MYO3A: variants seen among roughly 807,000 people sequenced by gnomAD.
MYO3A encodes myosin-IIIa.
MYO3A carries 180 observed loss-of-function variants against 192.7 expected under a neutral mutation model. That is an observed-to-expected ratio of 0.93 (90% CI 0.83 to 1.06). The LOEUF is 1.06. Ranked by LOEUF, MYO3A falls within the 50% of genes least tolerant of loss-of-function variation. The pLI, the probability that MYO3A is intolerant of heterozygous loss-of-function variation, is 0.00. For missense variants in MYO3A, 1,896 were observed against 1,905.0 expected, an observed-to-expected ratio of 1.00 and a Z score of 0.09; for synonymous variants, 628 against 645.3, an observed-to-expected ratio of 0.97 and a Z score of 0.41.
At chr10:26,157,727 A>G (rs1185030250) in intron 26 of MYO3A, among the ~76,000 whole-genome samples, 2 of 152,240 alleles carry the variant, frequency 1.3e-5, no homozygotes, top group Admixed American at 6.5e-5. Flanking sequence ...TATAGGCAGC[A>G]TGATCCAGAG....
chr10:25,965,033 T>C (rs563804837), intron 4 of MYO3A, among the ~76,000 whole-genome samples: 1 of 152,328 alleles, frequency 6.6e-6, no homozygotes, highest in South Asian at 2.1e-4. Flanking sequence ...GGATCCTTTA[T>C]GTATCCCTGA....
At chr10:26,086,637 G>C (rs905584064) in intron 14 of MYO3A, among the ~76,000 whole-genome samples, 3 of 152,000 alleles carry the variant, frequency 2.0e-5, no homozygotes, top group Non-Finnish European at 2.9e-5. Context: ...AAAAAAAAAG[G>C]TGGTGCTACC....
At chr10:26,074,174 A>G (rs895702659) in intron 14 of MYO3A, among the ~76,000 whole-genome samples, 3 of 152,194 alleles carry the variant, frequency 2.0e-5, no homozygotes, top group East Asian at 1.9e-4. Flanking sequence ...ATTTTTGCCA[A>G]TTCTGTGATT....
rs1838020207 is a variant in MYO3A at position 25,962,835 on chromosome 10, G to A, written c.303+7827G>A. 2.0e-5 allele frequency among the ~76,000 whole-genome samples: 3 copies of A among 152,272 alleles called. No homozygotes were observed. The South Asian group carries it at 6.2e-4, about 32-fold the overall frequency. ...AGTCTCATATAAGGCATTTGCTATT[G>A]ATGGACACAAAGGGGAGAACTGAGA... On this transcript the variant is annotated intron_variant, in intron 4 of 34. Transcript: ENST00000642920.
chr10:26,165,030 C>T (rs1366017233), intron 26 of MYO3A, among the ~76,000 whole-genome samples: 1 of 152,158 alleles, frequency 6.6e-6, no homozygotes, highest in Non-Finnish European at 1.5e-5. Context: ...CCATTCTAGG[C>T]CAGTATTCTT....
intron 10 of MYO3A, among the ~76,000 whole-genome samples, chr10:26,060,213 C>T (rs1264972193): frequency 3.3e-5 from 5 of 151,976 alleles, no homozygotes; most frequent in African/African-American, 9.7e-5. Flanking sequence ...GAGCGAAGAT[C>T]ATGCCATTGC....
chr10:26,070,228 T>C lies in MYO3A; in HGVS notation c.1275+13T>C. On this transcript the variant is annotated intron_variant, in intron 13 of 34. Transcript: ENST00000642920. ...TAATTCAGATCAGGTAAGAAGAGTC[T>C]CCCATTCTTAGAAATTTACCTCTTA... 1 of 1,598,556 alleles carries C rather than the reference T, an allele frequency of 6.3e-7. No individual in the cohort carries two copies. The highest frequency in any genetic ancestry group is 1.3e-5 in the African/African-American group (1 of 74,600).
rs1336568624 is a variant in MYO3A at position 26,174,307 on chromosome 10, A to G, written c.4043A>G (p.Lys1348Arg). 3 of 1,613,992 alleles carry G rather than the reference A, an allele frequency of 1.9e-6. No homozygotes were observed. Among genetic ancestry groups the G allele is most frequent in the Non-Finnish European group, 2.5e-6 (3 of 1,180,002 alleles). ...PVTQAQEEED[K>R]AAVFIQSKYR... ...ACACAGGCCCAGGAGGAAGAAGATA[A>G]AGCAGCGGTATTCATTCAGAGCAAA... Residue 1348 changes from lysine to arginine, a missense_variant, in exon 30 of 35, where the codon AAA becomes AGA. Physicochemically the swap from Lys to Arg is conservative, Grantham distance 26. Transcript: ENST00000642920.
At chr10:26,128,744 A>G (rs943389930) in intron 20 of MYO3A, among the ~76,000 whole-genome samples, 8 of 152,226 alleles carry the variant, frequency 5.3e-5, no homozygotes, top group African/African-American at 1.7e-4. Flanking sequence ...GTGATGTTAA[A>G]TGTCCTCCAT....
At chr10:26,125,333 T>C in intron 18 of MYO3A, 65 bp from the exon 19 acceptor site, 1 of 1,452,716 alleles carries the variant, frequency 6.9e-7, no homozygotes, top group Non-Finnish European at 9.6e-7. Context: ...TTAAGACATT[T>C]TCATTTTTGG....
intron 15 of MYO3A, among the ~76,000 whole-genome samples, chr10:26,089,156 AC>A (rs1401112342): frequency 6.6e-6 from 1 of 152,218 alleles, no homozygotes; most frequent in African/African-American, 2.4e-5. Context: ...ATTCACAGTA[AC>A]ATAATAAGCT....
chr10:26,140,958 C>T (rs1181749618), intron 20 of MYO3A, among the ~76,000 whole-genome samples: 3 of 152,046 alleles, frequency 2.0e-5, no homozygotes, highest in South Asian at 2.1e-4. Flanking sequence ...GATGGAGTCT[C>T]GCTCTGTCGC....
At position 26,024,088 on chromosome 10, in the gene MYO3A, G is replaced by C. The variant is rs771878333; in HGVS notation, c.797+1G>C. 2 of 1,611,712 alleles carry C rather than the reference G, an allele frequency of 1.2e-6. No homozygotes were observed. The highest frequency in any genetic ancestry group is 1.7e-6 in the Non-Finnish European group (2 of 1,178,108). ...CAGAATTCAATGACTTCATAAGCAAGTGAGTAAAAACAGTCTTTTAAAAAA... is the reference window on the plus strand; with the variant it reads ...CAGAATTCAATGACTTCATAAGCAACTGAGTAAAAACAGTCTTTTAAAAAA... On this transcript the variant is annotated splice_donor_variant, in intron 9 of 34. Transcript: ENST00000642920. LOFTEE classifies it high-confidence loss of function.
Position 26,089,953 on chromosome 10 carries a change from G to A in MYO3A, c.1562+1548G>A, listed in dbSNP as rs549357722. On this transcript the variant is annotated intron_variant, in intron 15 of 34. Transcript: ENST00000642920. ...AAATAACATATAGCACAGTACCTGG[G>A]ATATTGAAGATGTTCAGTAAATGGC... 2.0e-5 allele frequency among the ~76,000 whole-genome samples: 3 copies of A among 152,264 alleles called. No homozygotes were observed. The East Asian group carries it at 5.8e-4, about 29-fold the overall frequency.
At chr10:25,956,067 A>T (rs771132475) in intron 4 of MYO3A, among the ~76,000 whole-genome samples, 3 of 152,150 alleles carry the variant, frequency 2.0e-5, no homozygotes, top group Non-Finnish European at 2.9e-5. Context: ...GAGAGAAGAA[A>T]CGCTGTGTTC....
At chr10:26,143,383 T>A (rs1029623769) in intron 20 of MYO3A, 65 bp from the exon 21 acceptor site, 3 of 1,493,168 alleles carry the variant, frequency 2.0e-6, no homozygotes, top group African/African-American at 2.8e-5. Context: ...CAAAGTAAAA[T>A]TTTAGGTAAT....
intron 26 of MYO3A, among the ~76,000 whole-genome samples, chr10:26,161,774 A>AT (rs965866915): frequency 5.3e-5 from 8 of 151,898 alleles, no homozygotes; most frequent in Non-Finnish European, 7.4e-5. Flanking sequence ...TATTTTTATT[A>AT]TTTTTTTTGC....
rs34464120 is a variant in MYO3A at position 26,077,233 on chromosome 10, G to GTTTTT, written c.1359+6850_1359+6854dup. ...CTCCTTGGTTAGGTATATTCCTAAG[G>GTTTTT]TTTTTTTTTTTTTTTTTTTTTTGCA... On this transcript the variant is annotated intron_variant, in intron 14 of 34. Coordinates refer to ENST00000642920, the MANE Select transcript of MYO3A (RefSeq NM_017433.5). Among the ~76,000 whole-genome samples, 45 of 36,288 alleles carry GTTTTT rather than the reference G, an allele frequency of 1.2e-3. 5 individuals are homozygous for GTTTTT. The highest frequency in any genetic ancestry group is 1.6e-3 in the Non-Finnish European group (30 of 19,036). 23.8% of individuals were successfully genotyped at this position (36,288 alleles called of 152,430 possible).
chr10:25,981,852 T>G (rs1044585858), intron 4 of MYO3A, among the ~76,000 whole-genome samples: 3 of 152,188 alleles, frequency 2.0e-5, no homozygotes, highest in African/African-American at 7.2e-5. Context: ...GAAGTTTTAC[T>G]CCAAGAACTA....
Sources: allele counts gnomAD v4.1 joint callset (sites outside exome capture counted in the v4.1 genomes callset), GRCh38; gene constraint gnomAD v4.1.1; transcripts MANE v1.5; gene names NCBI Gene and HGNC (gene_info 2026-07-23, HGNC 2026-07-21).